The following MPC2 variants were observed in gnomAD, a reference collection of about 807,000 sequenced individuals.
MPC2 encodes the protein mitochondrial pyruvate carrier 2.
MPC2 carries 19 observed loss-of-function variants against 19.2 expected under a neutral mutation model. That is an observed-to-expected ratio of 0.99 (90% CI 0.69 to 1.45). The LOEUF is 1.45. MPC2 is among the 40% of genes most tolerant of loss of function. The pLI is 0.00. For missense variants in MPC2, 122 were observed against 153.0 expected, an observed-to-expected ratio of 0.80 and a Z score of 1.07; for synonymous variants, 61 against 54.3, an observed-to-expected ratio of 1.12 and a Z score of -0.54.
intron 2 of MPC2, among the ~76,000 whole-genome samples, chr1:167,925,784 T>C (rs1041470430): frequency 4.6e-5 from 7 of 152,028 alleles, no homozygotes; most frequent in Admixed American, 3.9e-4. Context: ...CCTGACCTTG[T>C]GATCTGCCCG....
intron 2 of MPC2, among the ~76,000 whole-genome samples, chr1:167,932,695 G>T (rs1670942774): frequency 6.6e-6 from 1 of 151,556 alleles, no homozygotes; most frequent in Non-Finnish European, 1.5e-5. Flanking sequence ...TGTAATCCCA[G>T]CTACTCAGGA....
chr1:167,926,843 T>TA (rs1401139288), intron 2 of MPC2, among the ~76,000 whole-genome samples: 1 of 152,176 alleles, frequency 6.6e-6, no homozygotes, highest in Admixed American at 6.5e-5. Flanking sequence ...AGTCTTTACC[T>TA]AACTCCTATC....
At position 167,917,250 on chromosome 1, in the gene MPC2, C is replaced by T. The variant is rs1557849705; in HGVS notation, c.*1073G>A. On this transcript the variant is annotated 3_prime_UTR_variant, in exon 6 of 6. Transcript: ENST00000271373. ...CGGAGCCAAAGGTCACAAACATTTA[C>T]AGAAAACCTACTTATGTCCCAGGTA... 6.6e-6 allele frequency: 1 copy of T among 152,158 alleles called. No homozygotes were observed. The highest frequency in any genetic ancestry group is 1.5e-5 in the Non-Finnish European group (1 of 68,042). 9.4% of individuals were successfully genotyped at this position (152,158 alleles called of 1,614,324 possible). A position where few individuals can be genotyped will look rare whatever the true frequency, so the allele number is the denominator to read the frequency against.
In MPC2 at chr1:167,925,452, T is replaced by TAC. The variant is rs1232215301; in HGVS notation, c.110-916_110-915insGT. 5.7e-3 allele frequency among the ~76,000 whole-genome samples: 638 copies of TAC among 112,540 alleles called. 4 individuals are homozygous for TAC. The highest frequency in any genetic ancestry group is 0.022 in the African/African-American group (601 of 27,410). The allele number at this position is 112,540 out of a possible 152,430, so 73.8% of individuals were successfully genotyped here. Reference sequence around the variant, plus strand: ...AGATATACATATACACATATATATATATATATATATATATATATATATACA... The same window carrying TAC: ...AGATATACATATACACATATATATATACATATATATATATATATATATATACA... On this transcript the variant is annotated intron_variant, in intron 2 of 5. Coordinates refer to ENST00000271373, the MANE Select transcript of MPC2 (RefSeq NM_001143674.4).
chr1:167,930,450 C>T (rs753464873), intron 2 of MPC2, among the ~76,000 whole-genome samples: 1 of 151,976 alleles, frequency 6.6e-6, no homozygotes, highest in South Asian at 2.1e-4. Context: ...ATAAATAATC[C>T]AACAAGGATA....
At chr1:167,928,041 TTTC>T (rs1017801041) in intron 2 of MPC2, among the ~76,000 whole-genome samples, 1 of 152,064 alleles carries the variant, frequency 6.6e-6, no homozygotes, top group Non-Finnish European at 1.5e-5. Context: ...CAAACAGTGT[TTTC>T]TTAACTGTTA....
intron 2 of MPC2, among the ~76,000 whole-genome samples, chr1:167,927,930 T>C (rs930364623): frequency 1.3e-5 from 2 of 152,258 alleles, no homozygotes; most frequent in African/African-American, 2.4e-5. Context: ...AACAGAAAAA[T>C]AGCAGTAGCC....
At chr1:167,922,871 A>G (rs962973854) in intron 3 of MPC2, among the ~76,000 whole-genome samples, 12 of 152,222 alleles carry the variant, frequency 7.9e-5, no homozygotes, top group African/African-American at 2.4e-4. Context: ...CCTTGATTAA[A>G]TTAAAAAACA....
chr1:167,933,531 C>T (rs929520063), intron 2 of MPC2, among the ~76,000 whole-genome samples: 5 of 152,168 alleles, frequency 3.3e-5, no homozygotes, highest in Admixed American at 3.3e-4. Context: ...TCTCAAAAAT[C>T]TAGAATCAGC....
At chr1:167,935,320 A>G (rs543801281) in intron 2 of MPC2, among the ~76,000 whole-genome samples, 16 of 152,374 alleles carry the variant, frequency 1.1e-4, no homozygotes, top group African/African-American at 3.8e-4. Flanking sequence ...CCTTTACTCC[A>G]AACCCTACAG....
chr1:167,936,192 A>C, intron 1 of MPC2: 1 of 269,022 alleles, frequency 3.7e-6, no homozygotes, highest in Non-Finnish European at 7.2e-6. Flanking sequence ...GCCCGCCATG[A>C]TTGGCCCGCC....
chr1:167,923,470 A>T (rs184946746), intron 3 of MPC2, among the ~76,000 whole-genome samples: 6 of 152,274 alleles, frequency 3.9e-5, no homozygotes, highest in Middle Eastern at 3.4e-3. Context: ...TTTTGATTCC[A>T]TTTACATGAG....
chr1:167,921,655 T>A (rs752597774), intron 3 of MPC2, among the ~76,000 whole-genome samples: 69 of 152,230 alleles, frequency 4.5e-4, no homozygotes, highest in Admixed American at 2.2e-3. Flanking sequence ...CAAGTCACTA[T>A]GTTTGTCCCC....
At chr1:167,936,606 G>C (rs2102576728) in intron 1 of MPC2, 1 of 353,038 alleles carries the variant, frequency 2.8e-6, no homozygotes, top group East Asian at 6.7e-5. Context: ...ACGAGGAGAG[G>C]GAGGAGTCGC....
At chr1:167,936,709 G>T in intron 1 of MPC2, 1 of 579,482 alleles carries the variant, frequency 1.7e-6, no homozygotes, top group Non-Finnish European at 3.1e-6. Context: ...CTAAGAAGGA[G>T]AGTATGAGGC....
chr1:167,930,306 C>T (rs936296588), intron 2 of MPC2, among the ~76,000 whole-genome samples: 2 of 152,164 alleles, frequency 1.3e-5, no homozygotes, highest in East Asian at 1.9e-4. Flanking sequence ...AGGGATGATA[C>T]GTTTTAAATT....
rs184595526 is a variant in MPC2, at chr1:167,917,963, C to A, written c.*360G>T. On this transcript the variant is annotated 3_prime_UTR_variant, in exon 6 of 6. Coordinates refer to ENST00000271373, the MANE Select transcript of MPC2 (RefSeq NM_001143674.4). ...CTTTCACTTATAGCTAGCTACCTGA[C>A]CATCCTACACTAAATAAGCAGATAA... 4 of 167,182 alleles carry A rather than the reference C, an allele frequency of 2.4e-5. No homozygotes were observed. The highest frequency in any genetic ancestry group is 9.5e-5 in the African/African-American group (4 of 42,176). The allele number at this position is 167,182 out of a possible 1,614,324, so 10.4% of individuals were successfully genotyped here. A position where few individuals can be genotyped will look rare whatever the true frequency, so the allele number is the denominator to read the frequency against.
At chr1:167,925,454 T>TATATATATATATACATATAC (rs1670717810) in intron 2 of MPC2, among the ~76,000 whole-genome samples, 1 of 114,706 alleles carries the variant, frequency 8.7e-6, no homozygotes, top group Non-Finnish European at 1.8e-5. Context: ...TATATATATA[T>TATATATATATATACATATAC]ATATATATAT....
chr1:167,919,947 AAC>A, intron 5 of MPC2, 30 bp downstream of exon 5: 2 of 1,534,914 alleles, frequency 1.3e-6, no homozygotes, highest in Non-Finnish European at 1.8e-6. Context: ...TAGCTTTTGC[AAC>A]AGTTTTAAAA....
Sources: gnomAD v4.1 joint callset for allele counts (sites outside exome capture counted in the v4.1 genomes callset) on GRCh38, gnomAD v4.1.1 for gene constraint, MANE v1.5 for transcripts, NCBI Gene and HGNC (gene_info 2026-07-23, HGNC 2026-07-21) for gene names.